Variants in ADAM21 observed in about 807,000 individuals in gnomAD.
ADAM21 encodes the protein ADAM metallopeptidase domain 21.
For synonymous variants in ADAM21, 262 were observed against 306.0 expected (o/e 0.86, Z 1.50); for missense variants, 678 against 874.4 (o/e 0.78, Z 2.83).
chr14:70,452,602 G>A (rs1892282), intron 1 of ADAM21, among the ~76,000 whole-genome samples: 43,157 of 152,106 alleles, frequency 0.28, 6,229 homozygotes, highest in Middle Eastern at 0.35. Flanking sequence ...TCCTGACCTC[G>A]TGATCCGCCC....
At chr14:70,452,646 G>A (rs1449748823) in intron 1 of ADAM21, among the ~76,000 whole-genome samples, 6 of 152,186 alleles carry the variant, frequency 3.9e-5, no homozygotes, top group African/African-American at 7.2e-5. Context: ...TATTACAGGC[G>A]TGAGCCACCG....
In ADAM21 at chr14:70,458,395, T is replaced by C. The variant is rs1594983570; in HGVS notation, c.896T>C (p.Ile299Thr). 40 of 1,614,200 alleles carry C rather than the reference T, an allele frequency of 2.5e-5. No homozygotes were observed. The highest frequency in any genetic ancestry group is 3.4e-5 in the Non-Finnish European group (40 of 1,180,042). The change falls in exon 2 of 2, where the codon ATA becomes ACA. Residue 299 changes from isoleucine (I) to threonine (T), a missense_variant. Ile to Thr is a moderately conservative substitution (Grantham distance 89, BLOSUM62 -1). Transcript: ENST00000603540. The part of the protein sequence containing the change: ...QLQHDAAHMF[I>T]KNSLISILGL... ...CAGCATGATGCTGCACATATGTTCA[T>C]AAAAAATTCACTTATAAGTATACTT... is the stretch of plus-strand genomic sequence containing the variant.
In ADAM21 at chr14:70,459,593, G is replaced by A. The variant is rs766683455; in HGVS notation, c.2094G>A (p.Leu698=). 6.2e-7 allele frequency: 1 copy of A among 1,614,154 alleles called. No homozygotes were observed. Among genetic ancestry groups the A allele is most frequent in the Non-Finnish European group, 8.5e-7 (1 of 1,180,024 alleles). ...CTTCTTTGTCTGTTTTGACTTTCCT[G>A]TTTACTGTCGGGCTTCTTATGTATC... is the stretch of plus-strand genomic sequence containing the variant. ...VIPSLSVLTF[L]FTVGLLMYLR... The change falls in exon 2 of 2, where the codon CTG becomes CTA. Residue 698 remains leucine, a synonymous_variant. Transcript: ENST00000603540.
intron 1 of ADAM21, among the ~76,000 whole-genome samples, 181 bp downstream of exon 1, chr14:70,452,444 C>A (rs3764182): frequency 0.2 from 30,552 of 152,180 alleles, 4,406 homozygotes; most frequent in East Asian, 0.53. Flanking sequence ...CAGCTGACTG[C>A]AAGCTCTGCC....
In ADAM21 at chr14:70,459,256, A is replaced by G. The variant is rs755054865; in HGVS notation, c.1757A>G (p.Asn586Ser). 5.6e-6 allele frequency: 9 copies of G among 1,614,132 alleles called. No individual in the cohort carries two copies. Among genetic ancestry groups the G allele is most frequent in the Non-Finnish European group, 5.9e-6 (7 of 1,180,032 alleles). Residue 586 changes from asparagine (N) to serine (S), a missense_variant, in exon 2 of 2, where the codon AAT becomes AGT. Transcript: ENST00000603540. Reference sequence around the variant, plus strand: ...TTTACTTTGCAGCACACTCATATCAATGGTGTCACCTGCTGGGGTATTGAC... The same window carrying G: ...TTTACTTTGCAGCACACTCATATCAGTGGTGTCACCTGCTGGGGTATTGAC... ...DHFTLQHTHINGVTCWGIDYH... is the reference protein window; with the variant it reads ...DHFTLQHTHISGVTCWGIDYH...
At chr14:70,454,344 T>A (rs1436492938) in intron 1 of ADAM21, among the ~76,000 whole-genome samples, 1 of 151,928 alleles carries the variant, frequency 6.6e-6, no homozygotes, top group Admixed American at 6.6e-5. Flanking sequence ...AGCTTTGATG[T>A]AGGAGTGGAG....
intron 1 of ADAM21, among the ~76,000 whole-genome samples, chr14:70,455,473 T>C (rs1156733619): frequency 1.3e-5 from 2 of 152,132 alleles, no homozygotes; most frequent in Admixed American, 6.5e-5. Context: ...AAAATAAGTA[T>C]GAAAATGAGG....
Position 70,458,475 on chromosome 14 carries a change from A to C in ADAM21, c.976A>C (p.Asn326His), listed in dbSNP as rs1882462240. ...CRPPIDCGVD[N>H]FQGDTWSLFA... is the part of the protein sequence containing the mutation. ...TCCACCTATTGATTGTGGAGTTGAT[A>C]ATTTTCAAGGAGATACCTGGTCTCT... is the stretch of plus-strand genomic sequence containing the variant. Residue 326 changes from asparagine to histidine, a missense_variant, in exon 2 of 2, where the codon AAT (asparagine) becomes CAT (histidine). Physicochemically the swap from Asn to His is moderately conservative, Grantham distance 68. Coordinates refer to ENST00000603540, the MANE Select transcript of ADAM21 (RefSeq NM_003813.4). 8 of 1,614,012 alleles carry C rather than the reference A, an allele frequency of 5.0e-6. No homozygotes were observed. Among genetic ancestry groups the C allele is most frequent in the Non-Finnish European group, 6.8e-6 (8 of 1,179,988 alleles).
chr14:70,453,359 G>A (rs1301096014), intron 1 of ADAM21: 1 of 152,166 alleles, frequency 6.6e-6, no homozygotes, highest in East Asian at 1.9e-4. Flanking sequence ...AATAGCTGTG[G>A]GGAAAGGAAG....
At chr14:70,456,516 G>A (rs1005330924) in intron 1 of ADAM21, among the ~76,000 whole-genome samples, 15 of 152,116 alleles carry the variant, frequency 9.9e-5, no homozygotes, top group Middle Eastern at 3.4e-3. Context: ...GTTCCTTTTC[G>A]GAAGACCTTT....
At chr14:70,455,105 G>C (rs1385937672) in intron 1 of ADAM21, among the ~76,000 whole-genome samples, 1 of 152,040 alleles carries the variant, frequency 6.6e-6, no homozygotes, top group Non-Finnish European at 1.5e-5. Context: ...GGATGGAGTT[G>C]GTTCTCTCTC....
chr14:70,459,890 T>C lies in ADAM21; in HGVS notation c.*222T>C, dbSNP rs1432449692. On this transcript the variant is annotated 3_prime_UTR_variant, in exon 2 of 2. Coordinates refer to ENST00000603540, the MANE Select transcript of ADAM21 (RefSeq NM_003813.4). The stretch of plus-strand genomic sequence containing the variant: ...GTTTTAAGCAGCAAATAAAGCTACA[T>C]CCTTCCCTCCCTTTAGTCCTTGTTG... The C allele has an allele frequency of 8.8e-6, 5 of 568,206 alleles. No individual in the cohort carries two copies. Among genetic ancestry groups the C allele is most frequent in the Non-Finnish European group, 1.2e-5 (4 of 327,510 alleles). 35.2% of individuals were successfully genotyped at this position (568,206 alleles called of 1,614,324 possible).
chr14:70,457,327 A>G, intron 1 of ADAM21, 22 bp from the exon 2 acceptor site: 2 of 944,808 alleles, frequency 2.1e-6, no homozygotes, highest in Middle Eastern at 3.5e-4. Flanking sequence ...TTTCCAACCC[A>G]TCTTTTTATT....
chr14:70,459,763 G>A lies in ADAM21; in HGVS notation c.*95G>A, dbSNP rs867035679. The A allele has an allele frequency of 1.2e-5, 17 of 1,436,532 alleles. 1 individual carries two copies. In the South Asian group the frequency reaches 2.0e-4, roughly 17 times the overall value. 89.0% of individuals were successfully genotyped at this position (1,436,532 alleles called of 1,614,324 possible). On this transcript the variant is annotated 3_prime_UTR_variant, in exon 2 of 2. Transcript: ENST00000603540. Reference sequence around the variant, plus strand: ...CATCCCTGAAACTGAGCACATTTCTGACCATTTCCAGAAAGCTGCAAAGAT... The same window carrying A: ...CATCCCTGAAACTGAGCACATTTCTAACCATTTCCAGAAAGCTGCAAAGAT...
chr14:70,453,836 C>T (rs1287471035), intron 1 of ADAM21, among the ~76,000 whole-genome samples: 2 of 152,220 alleles, frequency 1.3e-5, no homozygotes, highest in Non-Finnish European at 2.9e-5. Context: ...TTCCATGCTA[C>T]TTGCACCTTG....
rs896466723 is a variant in ADAM21, at chr14:70,457,389, C to T, written c.-111C>T. ...CTAACTCTGCCAGGACACAGATCCA[C>T]AGGGTCAGCCCTGCATCCTGAGCAG... On this transcript the variant is annotated 5_prime_UTR_variant, in exon 2 of 2. Coordinates refer to ENST00000603540, the MANE Select transcript of ADAM21 (RefSeq NM_003813.4). 4.5e-5 allele frequency: 68 copies of T among 1,518,188 alleles called. 1 individual carries two copies. The Admixed American group carries it at 4.6e-4, about 10-fold the overall frequency. 94.0% of individuals were successfully genotyped at this position (1,518,188 alleles called of 1,614,324 possible).
chr14:70,452,290 A>T (rs1889047542), intron 1 of ADAM21, 27 bp downstream of exon 1: 1 of 152,344 alleles, frequency 6.6e-6, no homozygotes, highest in African/African-American at 2.4e-5. Context: ...GTTTGGTTCT[A>T]TGCATAATTT....
chr14:70,453,035 CGTGT>C (rs10676561), intron 1 of ADAM21, among the ~76,000 whole-genome samples: 4 of 148,606 alleles, frequency 2.7e-5, no homozygotes, highest in South Asian at 4.3e-4. Flanking sequence ...TTGAATTTGG[CGTGT>C]GTGTGTGTGT....
chr14:70,456,331 T>C (rs2139484220), intron 1 of ADAM21, among the ~76,000 whole-genome samples: 1 of 152,274 alleles, frequency 6.6e-6, no homozygotes, highest in Non-Finnish European at 1.5e-5. Context: ...TAAAGACTTG[T>C]TTAATAAATA....
Sources: gnomAD v4.1 joint callset for allele counts (sites outside exome capture counted in the v4.1 genomes callset) on GRCh38, gnomAD v4.1.1 for gene constraint, MANE v1.5 for transcripts, NCBI Gene and HGNC (gene_info 2026-07-23, HGNC 2026-07-21) for gene names.